MACROD2: variants seen among roughly 807,000 people sequenced by gnomAD.
MACROD2 encodes the protein mono-ADP ribosylhydrolase 2, also known as ADP-ribose glycohydrolase MACROD2.
MACROD2 carries 36 observed loss-of-function variants against 70.4 expected under a neutral mutation model. The observed-to-expected ratio is 0.51, with a 90% CI of 0.39 to 0.68. The LOEUF is 0.68. Among genes scored for constraint, MACROD2 ranks in the 30% least tolerant of loss-of-function variants. MACROD2 has a pLI of 0.00. For missense variants in MACROD2, 496 were observed against 538.4 expected (o/e 0.92, Z 0.78); for synonymous variants, 172 against 178.8 (o/e 0.96, Z 0.30).
intron 4 of MACROD2, among the ~76,000 whole-genome samples, chr20:14,540,134 T>C (rs1265620713): frequency 2.6e-5 from 4 of 152,334 alleles, no homozygotes; most frequent in African/African-American, 9.6e-5. Context: ...CATCATTTTA[T>C]AAAGAGTCCC....
intron 6 of MACROD2, among the ~76,000 whole-genome samples, chr20:15,310,375 T>C (rs1450167481): frequency 6.6e-6 from 1 of 150,848 alleles, no homozygotes; most frequent in Non-Finnish European, 1.5e-5. Flanking sequence ...CAGCTTTCTT[T>C]CAACAAATTA....
At chr20:15,244,848 T>C (rs2077091969) in intron 6 of MACROD2, among the ~76,000 whole-genome samples, 2 of 152,206 alleles carry the variant, frequency 1.3e-5, no homozygotes, top group South Asian at 4.1e-4. Flanking sequence ...ATTTAATGGA[T>C]CAGGCAAATG....
At chr20:15,638,081 T>C (rs2049397748) in intron 8 of MACROD2, among the ~76,000 whole-genome samples, 1 of 152,144 alleles carries the variant, frequency 6.6e-6, no homozygotes, top group Non-Finnish European at 1.5e-5. Context: ...GTGTTCTAAC[T>C]GAGCTCCCTT....
Position 14,065,606 on chromosome 20 carries a change from T to C in MACROD2, c.164-20015T>C, listed in dbSNP as rs192119077. Among the ~76,000 whole-genome samples, 266 of 152,316 alleles carry C rather than the reference T, an allele frequency of 1.7e-3. 1 individual carries two copies. Among genetic ancestry groups the C allele is most frequent in the Non-Finnish European group, 1.8e-3 (125 of 68,038 alleles). ...TGTGCTTTTACTATGTCTAGGGCACTTTCTCACATGCTTTACTATGTTTTA... is the reference window on the plus strand; with the variant it reads ...TGTGCTTTTACTATGTCTAGGGCACCTTCTCACATGCTTTACTATGTTTTA... On this transcript the variant is annotated intron_variant, in intron 2 of 17. Transcript: ENST00000684519.
At chr20:15,100,939 C>T (rs1472935077) in intron 5 of MACROD2, among the ~76,000 whole-genome samples, 23 of 152,030 alleles carry the variant, frequency 1.5e-4, no homozygotes, top group Non-Finnish European at 7.4e-5. Context: ...AAAAGAGCCA[C>T]CAAGAAAGAT....
chr20:15,494,614 A>G (rs1258548256), intron 7 of MACROD2, among the ~76,000 whole-genome samples: 2 of 152,158 alleles, frequency 1.3e-5, no homozygotes, highest in Non-Finnish European at 1.5e-5. Flanking sequence ...ATAAAAACAG[A>G]CAAAACTAAC....
chr20:15,350,743 G>T, intron 6 of MACROD2, among the ~76,000 whole-genome samples: 1 of 152,000 alleles, frequency 6.6e-6, no homozygotes, highest in Non-Finnish European at 1.5e-5. Context: ...GGTATTCTAG[G>T]AATTTCTAAA....
chr20:14,768,253 C>G (rs2072117848), intron 5 of MACROD2, among the ~76,000 whole-genome samples: 1 of 152,074 alleles, frequency 6.6e-6, no homozygotes, highest in African/African-American at 2.4e-5. Context: ...ACACTCCCAC[C>G]AGCAGTGTAA....
At chr20:14,684,169 T>A (rs1260510042) in intron 4 of MACROD2, among the ~76,000 whole-genome samples, 2 of 152,026 alleles carry the variant, frequency 1.3e-5, no homozygotes, top group Non-Finnish European at 2.9e-5. Flanking sequence ...CCGTGCCAAG[T>A]GAGAGTAAGG....
intron 3 of MACROD2, among the ~76,000 whole-genome samples, chr20:14,350,401 T>C (rs2083111769): frequency 6.6e-6 from 1 of 152,076 alleles, no homozygotes; most frequent in African/African-American, 2.4e-5. Context: ...TATTATTGCC[T>C]GTCTTTTGGA....
At chr20:15,382,750 C>T (rs922911474) in intron 6 of MACROD2, among the ~76,000 whole-genome samples, 1 of 152,146 alleles carries the variant, frequency 6.6e-6, no homozygotes, top group African/African-American at 2.4e-5. Context: ...TATGATTTCT[C>T]ATCAGTGGCA....
chr20:14,587,210 T>A (rs1981441959), intron 4 of MACROD2, among the ~76,000 whole-genome samples: 1 of 151,938 alleles, frequency 6.6e-6, no homozygotes, highest in Admixed American at 6.6e-5. Context: ...ATTCATTAGA[T>A]TTTTTACCTT....
At chr20:14,255,626 G>A (rs1341234785) in intron 3 of MACROD2, among the ~76,000 whole-genome samples, 2 of 151,602 alleles carry the variant, frequency 1.3e-5, no homozygotes, top group East Asian at 3.9e-4. Flanking sequence ...CATGGCACAT[G>A]TATACATATG....
chr20:14,585,438 G>T (rs139862496), intron 4 of MACROD2, among the ~76,000 whole-genome samples: 5 of 152,188 alleles, frequency 3.3e-5, no homozygotes, highest in African/African-American at 9.6e-5. Context: ...GGGTTTCTGA[G>T]GATAGCATAA....
chr20:15,799,561 G>A (rs949246299), intron 8 of MACROD2, among the ~76,000 whole-genome samples: 5 of 152,080 alleles, frequency 3.3e-5, no homozygotes, highest in Non-Finnish European at 7.4e-5. Flanking sequence ...TTTTGTGTCT[G>A]GGCGATTTCA....
At chr20:15,762,707 C>T (rs561123053) in intron 8 of MACROD2, among the ~76,000 whole-genome samples, 1 of 152,278 alleles carries the variant, frequency 6.6e-6, no homozygotes, top group South Asian at 2.1e-4. Flanking sequence ...TCTGCTAGTC[C>T]CAGGAGAGGG....
In MACROD2 at chr20:14,874,675, T is replaced by TG. The variant is rs1192308209; in HGVS notation, c.418+189716_418+189717insG. 1.7e-4 allele frequency among the ~76,000 whole-genome samples: 7 copies of TG among 42,274 alleles called. No homozygotes were observed. The East Asian group carries it at 3.5e-3, about 21-fold the overall frequency. The allele number at this position is 42,274 out of a possible 152,430, so 27.7% of individuals were successfully genotyped here. ...ATAACATGAACAAAAAAGGTTGTAT[T>TG]TATTTATTTATTTATTTATTTATTT... is the stretch of plus-strand genomic sequence containing the variant. On this transcript the variant is annotated intron_variant, in intron 5 of 17. Transcript: ENST00000684519.
intron 8 of MACROD2, among the ~76,000 whole-genome samples, chr20:15,699,944 A>G (rs1203408031): frequency 6.6e-6 from 1 of 151,364 alleles, no homozygotes; most frequent in African/African-American, 2.4e-5. Context: ...TGCTTCTTCT[A>G]CCCTCCCCCA....
intron 5 of MACROD2, among the ~76,000 whole-genome samples, chr20:15,021,121 C>T (rs907575865): frequency 2.0e-5 from 2 of 102,140 alleles, no homozygotes; most frequent in African/African-American, 4.3e-5. Context: ...TGTGTATACA[C>T]GTGTGTATAC....
Sources: gnomAD v4.1 joint callset for allele counts (sites outside exome capture counted in the v4.1 genomes callset) on GRCh38, gnomAD v4.1.1 for gene constraint, MANE v1.5 for transcripts, NCBI Gene and HGNC (gene_info 2026-07-23, HGNC 2026-07-21) for gene names.